SPAG16: variants seen among roughly 807,000 people sequenced by gnomAD.
SPAG16 encodes sperm associated antigen 16.
In SPAG16, 86 loss-of-function variants were observed where a neutral mutation model predicts 80.4. That is an observed-to-expected ratio of 1.07 (90% confidence interval 0.90 to 1.28). The LOEUF (loss-of-function observed/expected upper bound fraction) is 1.28. SPAG16 is among the 50% of genes most tolerant of loss of function. The probability of loss-of-function intolerance (pLI) is 0.00; values close to 1 mark genes in which losing one functional copy is unlikely to be tolerated. For synonymous variants in SPAG16, 294 were observed against 265.9 expected, an observed-to-expected ratio of 1.11 and a Z score of -1.03; for missense variants, 870 against 765.3, an observed-to-expected ratio of 1.14 and a Z score of -1.61.
At chr2:213,686,093 A>C (rs2064655812) in intron 10 of SPAG16, among the ~76,000 whole-genome samples, 1 of 152,050 alleles carries the variant, frequency 6.6e-6, no homozygotes, top group Non-Finnish European at 1.5e-5. Flanking sequence ...TAAACCCAAA[A>C]TTTTCCTAGT....
intron 12 of SPAG16, among the ~76,000 whole-genome samples, chr2:214,009,028 A>G (rs778881167): frequency 6.6e-6 from 1 of 152,210 alleles, no homozygotes; most frequent in African/African-American, 2.4e-5. Flanking sequence ...CACTTCACCC[A>G]GGATTAAACT....
chr2:213,514,437 A>T (rs938705212), intron 10 of SPAG16, among the ~76,000 whole-genome samples: 2 of 152,216 alleles, frequency 1.3e-5, no homozygotes, highest in South Asian at 2.1e-4. Context: ...TTCATTAAAA[A>T]TTACTATTAG....
intron 3 of SPAG16, among the ~76,000 whole-genome samples, chr2:213,300,048 C>G (rs1363906917): frequency 1.3e-5 from 2 of 152,140 alleles, no homozygotes; most frequent in African/African-American, 4.8e-5. Flanking sequence ...TCTTCAGCCT[C>G]TTTGGTTATT....
chr2:213,799,876 A>G (rs1363619790), intron 10 of SPAG16, among the ~76,000 whole-genome samples: 2 of 152,078 alleles, frequency 1.3e-5, no homozygotes, highest in Non-Finnish European at 2.9e-5. Context: ...CAACAACAAA[A>G]TCAGCAATGC....
chr2:213,670,898 T>G (rs2063790991), intron 10 of SPAG16, among the ~76,000 whole-genome samples: 1 of 152,238 alleles, frequency 6.6e-6, no homozygotes, highest in African/African-American at 2.4e-5. Context: ...CAGAAGTATG[T>G]CACTCTCACA....
At chr2:213,687,146 ATTAAG>A (rs1339601922) in intron 10 of SPAG16, among the ~76,000 whole-genome samples, 8 of 152,080 alleles carry the variant, frequency 5.3e-5, no homozygotes, top group East Asian at 1.9e-4. Context: ...TTCAAGTAAT[ATTAAG>A]TTATGTACCT....
chr2:213,538,561 T>C (rs981323565), intron 10 of SPAG16, among the ~76,000 whole-genome samples: 3 of 152,170 alleles, frequency 2.0e-5, no homozygotes, highest in African/African-American at 7.2e-5. Context: ...TGTGCATAGT[T>C]ACTGAGGGAG....
chr2:213,514,886 GATA>G (rs2075365041), intron 10 of SPAG16, among the ~76,000 whole-genome samples: 2 of 151,996 alleles, frequency 1.3e-5, no homozygotes, highest in East Asian at 1.9e-4. Context: ...TAATCATTTT[GATA>G]ATAAGTAACC....
rs1019040082 is a variant in SPAG16 at position 213,588,844 on chromosome 2, G to T, written c.1070+98754G>T. 2.7e-3 allele frequency among the ~76,000 whole-genome samples: 69 copies of T among 25,830 alleles called. No homozygotes were observed. The East Asian group carries it at 0.082, about 31-fold the overall frequency. 16.9% of individuals were successfully genotyped at this position (25,830 alleles called of 152,430 possible). On this transcript the variant is annotated intron_variant, in intron 10 of 15. Coordinates refer to ENST00000331683, the MANE Select transcript of SPAG16 (RefSeq NM_024532.5). Reference sequence around the variant, plus strand: ...AAAAAAAAAAAAAAAAAAAAAAAAAGACTCCCTATCCATTTTGAGAAACTA... The same window carrying T: ...AAAAAAAAAAAAAAAAAAAAAAAAATACTCCCTATCCATTTTGAGAAACTA...
In SPAG16 at chr2:213,539,274, A is replaced by G. The variant is rs113097012; in HGVS notation, c.1070+49184A>G. Among the ~76,000 whole-genome samples, 121 of 152,324 alleles carry G rather than the reference A, an allele frequency of 7.9e-4. 2 individuals carry two copies. The highest frequency in any genetic ancestry group is 3.4e-3 in the Middle Eastern group (1 of 294). ...ATAGCAGCGATGAGTAGTTGATCTC[A>G]TGGCAATGTGATACCGCCCCTCATG... On this transcript the variant is annotated intron_variant, in intron 10 of 15. Coordinates refer to ENST00000331683, the MANE Select transcript of SPAG16 (RefSeq NM_024532.5).
intron 10 of SPAG16, among the ~76,000 whole-genome samples, chr2:213,612,681 T>C (rs1278168855): frequency 6.6e-6 from 1 of 152,160 alleles, no homozygotes; most frequent in East Asian, 1.9e-4. Context: ...AAATAAAAAT[T>C]AAAATAATTT....
At chr2:214,317,339 T>C (rs1695764060) in intron 15 of SPAG16, among the ~76,000 whole-genome samples, 1 of 152,188 alleles carries the variant, frequency 6.6e-6, no homozygotes, top group African/African-American at 2.4e-5. Context: ...AACATAAAAA[T>C]AATTTGAGCA....
At chr2:213,746,253 G>A (rs572685423) in intron 10 of SPAG16, among the ~76,000 whole-genome samples, 53 of 152,248 alleles carry the variant, frequency 3.5e-4, no homozygotes, top group Admixed American at 1.3e-3. Flanking sequence ...ATCTAAAGCC[G>A]CCTGAAGTTG....
At chr2:213,574,507 A>G (rs1385405179) in intron 10 of SPAG16, among the ~76,000 whole-genome samples, 1 of 151,888 alleles carries the variant, frequency 6.6e-6, no homozygotes, top group Admixed American at 6.6e-5. Flanking sequence ...GCCAAGAAGG[A>G]TATTGTGAAA....
chr2:213,669,077 T>A (rs1225378229), intron 10 of SPAG16, among the ~76,000 whole-genome samples: 2 of 152,248 alleles, frequency 1.3e-5, no homozygotes, highest in African/African-American at 4.8e-5. Flanking sequence ...ATTTGCTTAG[T>A]TACAGGTATT....
chr2:214,391,315 G>A (rs1428687960), intron 15 of SPAG16, among the ~76,000 whole-genome samples: 2 of 152,022 alleles, frequency 1.3e-5, no homozygotes, highest in East Asian at 3.9e-4. Flanking sequence ...GTCAAAGAAG[G>A]AAAAATAAAA....
intron 10 of SPAG16, among the ~76,000 whole-genome samples, chr2:213,545,542 T>C (rs2076583645): frequency 2.0e-5 from 3 of 152,140 alleles, no homozygotes; most frequent in Non-Finnish European, 1.5e-5. Context: ...CACCAAACCC[T>C]AGGTCATCTA....
chr2:213,374,369 G>C (rs1348846698), intron 8 of SPAG16, among the ~76,000 whole-genome samples: 1 of 151,896 alleles, frequency 6.6e-6, no homozygotes, highest in Non-Finnish European at 1.5e-5. Context: ...TATAACCTTA[G>C]TTTTTTGCAA....
chr2:214,385,997 ATCTTGATTT>A (rs1700727848), intron 15 of SPAG16, among the ~76,000 whole-genome samples: 1 of 151,942 alleles, frequency 6.6e-6, no homozygotes, highest in Non-Finnish European at 1.5e-5. Flanking sequence ...CTTTTTCGGG[ATCTTGATTT>A]TCTATTAATA....
Sources: gnomAD v4.1 joint callset for allele counts (sites outside exome capture counted in the v4.1 genomes callset) on GRCh38, gnomAD v4.1.1 for gene constraint, MANE v1.5 for transcripts, NCBI Gene and HGNC (gene_info 2026-07-23, HGNC 2026-07-21) for gene names.